The following CFH variants were observed in gnomAD, a reference collection of about 807,000 sequenced individuals.
The protein encoded by CFH is H factor 1 (complement).
CFH carries 53 observed loss-of-function variants against 147.3 expected under a neutral mutation model. That is an observed-to-expected ratio of 0.36 (90% CI 0.29 to 0.45). The LOEUF (loss-of-function observed/expected upper bound fraction) is 0.45, where lower values mean the gene tolerates loss of function less well. CFH is among the 20% of genes least tolerant of loss of function. The pLI, the probability that CFH is intolerant of heterozygous loss-of-function variation, is 1.00. For synonymous variants in CFH, 536 were observed against 489.4 expected (o/e 1.10, Z -1.26); for missense variants, 1,380 against 1,498.0 (o/e 0.92, Z 1.30).
chr1:196,692,770 C>CTT lies in CFH; in HGVS notation c.1336+2533_1336+2534dup, dbSNP rs1558163621. Among the ~76,000 whole-genome samples, 259 of 41,016 alleles carry CTT rather than the reference C, an allele frequency of 6.3e-3. 1 individual carries two copies. Among genetic ancestry groups the CTT allele is most frequent in the African/African-American group, 0.024 (184 of 7,538 alleles). 26.9% of individuals were successfully genotyped at this position (41,016 alleles called of 152,430 possible). On this transcript the variant is annotated intron_variant, in intron 9 of 21. Coordinates refer to ENST00000367429, the MANE Select transcript of CFH (RefSeq NM_000186.4). Reference sequence around the variant, plus strand: ...TTTTTCTTTCTTTCTTTCTTTCTTTCTTTCTTTCTTTCTTTCTTTCTTTCT... The same window carrying CTT: ...TTTTTCTTTCTTTCTTTCTTTCTTTCTTTTTCTTTCTTTCTTTCTTTCTTTCT...
chr1:196,731,702 T>C (rs911861433), intron 15 of CFH, among the ~76,000 whole-genome samples: 14 of 152,096 alleles, frequency 9.2e-5, no homozygotes, highest in African/African-American at 2.4e-4. Flanking sequence ...CTCTCTCAGC[T>C]TTTTTTCAAT....
chr1:196,680,337 C>T (rs1573016328), intron 6 of CFH, among the ~76,000 whole-genome samples: 2 of 146,862 alleles, frequency 1.4e-5, no homozygotes, highest in African/African-American at 5.0e-5. Flanking sequence ...AACCTCTCAA[C>T]TTTCATTATG....
intron 7 of CFH, among the ~76,000 whole-genome samples, chr1:196,686,256 C>T (rs967195127): frequency 3.3e-5 from 5 of 152,096 alleles, no homozygotes; most frequent in Admixed American, 1.3e-4. Context: ...ACACTGTTAA[C>T]TTCAGCCATA....
intron 16 of CFH, 22 bp downstream of exon 16, chr1:196,737,028 T>C (rs1386641770): frequency 7.5e-6 from 12 of 1,592,700 alleles, no homozygotes; most frequent in Non-Finnish European, 1.0e-5. Flanking sequence ...ATAATTTGTT[T>C]TACATAATTC....
intron 9 of CFH, 53 bp from the exon 10 acceptor site, chr1:196,713,682 A>T (rs1413268638): frequency 8.7e-7 from 1 of 1,146,406 alleles, no homozygotes; most frequent in Non-Finnish European, 1.3e-6. Flanking sequence ...TTAAATTCTT[A>T]TAAAATGTTA....
intron 7 of CFH, among the ~76,000 whole-genome samples, chr1:196,688,205 C>A (rs962034812): frequency 6.6e-6 from 1 of 151,312 alleles, no homozygotes; most frequent in Non-Finnish European, 1.5e-5. Flanking sequence ...ACAAATAATC[C>A]CATGAAAAGA....
intron 15 of CFH, among the ~76,000 whole-genome samples, chr1:196,733,318 T>A (rs1669323514): frequency 6.6e-6 from 1 of 152,094 alleles, no homozygotes; most frequent in Non-Finnish European, 1.5e-5. Flanking sequence ...ACTTTCTCTT[T>A]CCTTTTCTGC....
At chr1:196,664,081 G>GTGACA (rs1666995446) in intron 1 of CFH, among the ~76,000 whole-genome samples, 1 of 151,862 alleles carries the variant, frequency 6.6e-6, no homozygotes, top group Non-Finnish European at 1.5e-5. Context: ...TTTTGTGACA[G>GTGACA]GGTCTCACCC....
At chr1:196,685,512 A>C (rs193046435) in intron 7 of CFH, among the ~76,000 whole-genome samples, 19 of 152,246 alleles carry the variant, frequency 1.2e-4, no homozygotes, top group Admixed American at 1.1e-3. Flanking sequence ...GTCATCTAAC[A>C]CATACTATAT....
intron 3 of CFH, 48 bp from the exon 4 acceptor site, chr1:196,675,941 C>T (rs1285898633): frequency 8.2e-7 from 1 of 1,224,526 alleles, no homozygotes; most frequent in African/African-American, 1.5e-5. Flanking sequence ...TTTAAAACTG[C>T]ATGTAAACAC....
intron 11 of CFH, among the ~76,000 whole-genome samples, chr1:196,721,534 T>C (rs1028680302): frequency 6.6e-6 from 1 of 152,016 alleles, no homozygotes; most frequent in Non-Finnish European, 1.5e-5. Context: ...ATTCTGAGGT[T>C]GTTGGGTGGA....
chr1:196,665,997 G>A lies in CFH; in HGVS notation c.59-6981G>A, dbSNP rs2149072903. Among the ~76,000 whole-genome samples, 2 of 152,316 alleles carry A rather than the reference G, an allele frequency of 1.3e-5. 1 individual carries two copies. The highest frequency in any genetic ancestry group is 4.1e-4 in the South Asian group (2 of 4,830). On this transcript the variant is annotated intron_variant, in intron 1 of 21. Transcript: ENST00000367429. ...GTACGATAGACTTACCCATTGCCAAGGTTACTTGGCTTGAAGGAAAATACA... is the reference window on the plus strand; with the variant it reads ...GTACGATAGACTTACCCATTGCCAAAGTTACTTGGCTTGAAGGAAAATACA...
intron 1 of CFH, among the ~76,000 whole-genome samples, chr1:196,669,192 G>A (rs188603268): frequency 2.6e-5 from 4 of 152,218 alleles, no homozygotes; most frequent in African/African-American, 9.6e-5. Context: ...GAGAAAGTTG[G>A]TCTGAAATTG....
In CFH at chr1:196,747,422, G is replaced by A; in HGVS notation, c.*109G>A. 3 of 1,357,548 alleles carry A rather than the reference G, an allele frequency of 2.2e-6. No individual in the cohort carries two copies. The highest frequency in any genetic ancestry group is 3.1e-6 in the Non-Finnish European group (3 of 970,144). 84.1% of individuals were successfully genotyped at this position (1,357,548 alleles called of 1,614,324 possible). ...CCTTTTTATTCATACGTAAAATTTT[G>A]GATTAATTTGTGAAAATGTAATTAT... On this transcript the variant is annotated 3_prime_UTR_variant, in exon 22 of 22. Transcript: ENST00000367429.
intron 1 of CFH, among the ~76,000 whole-genome samples, chr1:196,653,632 GA>G (rs1433069763): frequency 6.6e-6 from 1 of 151,890 alleles, no homozygotes; most frequent in Non-Finnish European, 1.5e-5. Context: ...TTAAAAAGTT[GA>G]ATTTGAAATA....
At chr1:196,703,017 T>G (rs1668499731) in intron 9 of CFH, among the ~76,000 whole-genome samples, 2 of 152,208 alleles carry the variant, frequency 1.3e-5, no homozygotes, top group South Asian at 4.1e-4. Flanking sequence ...GCCCCAGATA[T>G]TCAGAGAAAG....
intron 9 of CFH, among the ~76,000 whole-genome samples, chr1:196,691,483 A>C (rs4657826): frequency 2.0e-5 from 3 of 151,780 alleles, no homozygotes; most frequent in Admixed American, 2.0e-4. Context: ...AAATGTTATA[A>C]CATTATAGTG....
rs772943168 is a variant in CFH at position 196,673,120 on chromosome 1, G to A, written c.201G>A (p.Arg67=). The part of the protein sequence containing the change: ...RSLGNVIMVC[R]KGEWVALNPL... ...TTGGAAATGTAATAATGGTATGCAG[G>A]AAGGGAGAATGGGTTGCTCTTAATC... is the stretch of plus-strand genomic sequence containing the variant. Residue 67 remains arginine (R), a synonymous_variant, in exon 2 of 22, where the codon AGG becomes AGA. Coordinates refer to ENST00000367429, the MANE Select transcript of CFH (RefSeq NM_000186.4). 5 of 1,613,876 alleles carry A rather than the reference G, an allele frequency of 3.1e-6. No homozygotes were observed. In the South Asian group the frequency reaches 4.4e-5, roughly 14 times the overall value.
At chr1:196,712,498 A>G (rs184497251) in intron 9 of CFH, among the ~76,000 whole-genome samples, 246 of 151,910 alleles carry the variant, frequency 1.6e-3, no homozygotes, top group African/African-American at 5.4e-3. Context: ...CATTCAATTC[A>G]AAATATTTAA....
Sources: gnomAD v4.1 joint callset for allele counts (sites outside exome capture counted in the v4.1 genomes callset) on GRCh38, gnomAD v4.1.1 for gene constraint, MANE v1.5 for transcripts, NCBI Gene and HGNC (gene_info 2026-07-23, HGNC 2026-07-21) for gene names.